Variants in CRIM1 observed in about 807,000 individuals in gnomAD.
CRIM1 encodes cysteine rich transmembrane BMP regulator 1, also known as cysteine-rich motor neuron 1 protein.
A neutral mutation model predicts 116.4 loss-of-function variants in CRIM1; 32 were observed. The ratio of observed to expected loss-of-function variants is 0.27; its 90% confidence interval spans 0.21 to 0.37. CRIM1 has a LOEUF of 0.37. Among genes scored for constraint, CRIM1 ranks in the 10% least tolerant of loss-of-function variants. The pLI is 1.00. For missense variants in CRIM1, 1,331 were observed against 1,354.8 expected, an observed-to-expected ratio of 0.98 and a Z score of 0.28; for synonymous variants, 590 against 509.2, an observed-to-expected ratio of 1.16 and a Z score of -2.13.
At chr2:36,523,496 G>T (rs2125133702) in intron 13 of CRIM1, among the ~76,000 whole-genome samples, 1 of 152,310 alleles carries the variant, frequency 6.6e-6, no homozygotes, top group Non-Finnish European at 1.5e-5. Context: ...GGTCCAAAAG[G>T]TGAGACAGCT....
chr2:36,472,782 C>A (rs1360675708), intron 5 of CRIM1, among the ~76,000 whole-genome samples: 1 of 152,190 alleles, frequency 6.6e-6, no homozygotes, highest in Non-Finnish European at 1.5e-5. Flanking sequence ...CTACAGCCTG[C>A]AAATTTAATG....
In CRIM1 at chr2:36,513,725, C is replaced by T; in HGVS notation, c.1950C>T (p.Asn650=). The T allele has an allele frequency of 1.2e-6, 2 of 1,614,212 alleles. No individual in the cohort carries two copies. Among genetic ancestry groups the T allele is most frequent in the Non-Finnish European group, 1.7e-6 (2 of 1,180,022 alleles). ...LITCPVPACG[N]PTIHPGQCCP... Reference sequence around the variant, plus strand: ...CCTGCCCGGTGCCTGCCTGTGGCAACCCCACCATTCACCCTGGACAGTGCT... The same window carrying T: ...CCTGCCCGGTGCCTGCCTGTGGCAATCCCACCATTCACCCTGGACAGTGCT... The change falls in exon 11 of 17, where the codon AAC becomes AAT. Residue 650 remains asparagine, a synonymous_variant. Coordinates refer to ENST00000280527, the MANE Select transcript of CRIM1 (RefSeq NM_016441.3).
At chr2:36,441,577 C>T in intron 3 of CRIM1, 77 bp downstream of exon 3, 1 of 1,543,760 alleles carries the variant, frequency 6.5e-7, no homozygotes, top group Non-Finnish European at 8.8e-7. Flanking sequence ...CCACCCCTGG[C>T]CTCTCCTTTC....
intron 1 of CRIM1, among the ~76,000 whole-genome samples, chr2:36,363,593 T>A (rs1335303658): frequency 6.6e-6 from 1 of 150,666 alleles, no homozygotes; most frequent in Non-Finnish European, 1.5e-5. Flanking sequence ...GTTTGTATAT[T>A]TTGAGTAATG....
chr2:36,531,892 G>A (rs544460136), intron 13 of CRIM1: 6 of 470,594 alleles, frequency 1.3e-5, no homozygotes, highest in Non-Finnish European at 2.6e-5. Flanking sequence ...GAAGATGTTT[G>A]TCTGAGCATC....
At chr2:36,373,597 A>G (rs1275284381) in intron 1 of CRIM1, among the ~76,000 whole-genome samples, 2 of 152,148 alleles carry the variant, frequency 1.3e-5, no homozygotes, top group African/African-American at 4.8e-5. Context: ...GCATTTTGAG[A>G]GGTAGAAATG....
In CRIM1 at chr2:36,548,508, C is replaced by G; in HGVS notation, c.2935-17C>G. On this transcript the variant is annotated splice_polypyrimidine_tract_variant and intron_variant, in intron 16 of 16. Coordinates refer to ENST00000280527, the MANE Select transcript of CRIM1 (RefSeq NM_016441.3). ...CAACTAATTTTTTGTGGTTTTATTCCTCCTCTCATTAAATAGCCTTCTTCC... is the reference window on the plus strand; with the variant it reads ...CAACTAATTTTTTGTGGTTTTATTCGTCCTCTCATTAAATAGCCTTCTTCC... The G allele has an allele frequency of 2.6e-6, 4 of 1,527,824 alleles. No individual in the cohort carries two copies. Among genetic ancestry groups the G allele is most frequent in the South Asian group, 2.6e-5 (2 of 77,052 alleles). 94.6% of individuals were successfully genotyped at this position (1,527,824 alleles called of 1,614,324 possible).
chr2:36,372,469 A>G (rs1670007315), intron 1 of CRIM1, among the ~76,000 whole-genome samples: 1 of 152,212 alleles, frequency 6.6e-6, no homozygotes, highest in Non-Finnish European at 1.5e-5. Flanking sequence ...GACATTAGAA[A>G]CTTAAGGATA....
chr2:36,534,768 A>G (rs192221873), intron 13 of CRIM1, among the ~76,000 whole-genome samples: 10 of 152,038 alleles, frequency 6.6e-5, no homozygotes, highest in African/African-American at 2.4e-4. Flanking sequence ...AAGAATATAG[A>G]CAGTATAGAC....
chr2:36,511,012 A>G (rs368552204), intron 9 of CRIM1, among the ~76,000 whole-genome samples: 31 of 149,248 alleles, frequency 2.1e-4, no homozygotes, highest in Middle Eastern at 3.5e-3. Context: ...TGCAGCCTCA[A>G]CCTCCCAGGC....
chr2:36,430,551 C>CT (rs1261946958), intron 2 of CRIM1, among the ~76,000 whole-genome samples: 1 of 152,276 alleles, frequency 6.6e-6, no homozygotes, highest in East Asian at 1.9e-4. Flanking sequence ...TGGGTGCCCT[C>CT]TTGGCAGTCG....
chr2:36,467,121 TCTGTC>T lies in CRIM1; in HGVS notation c.991+2470_991+2474del, dbSNP rs376499636. 6.6e-3 allele frequency among the ~76,000 whole-genome samples: 1,004 copies of T among 152,322 alleles called. 21 individuals carry two copies. The highest frequency in any genetic ancestry group is 0.023 in the African/African-American group (961 of 41,562). ...CTGACTTCTGGAATAGGATTTGCCATCTGTCCTGAGAAGATGTTGAGTGGACAAAA... is the reference window on the plus strand; with the variant it reads ...CTGACTTCTGGAATAGGATTTGCCATCTGAGAAGATGTTGAGTGGACAAAA... On this transcript the variant is annotated intron_variant, in intron 5 of 16. Transcript: ENST00000280527.
intron 2 of CRIM1, among the ~76,000 whole-genome samples, chr2:36,433,935 G>A (rs1020064352): frequency 6.6e-6 from 1 of 152,036 alleles, no homozygotes; most frequent in Admixed American, 6.6e-5. Context: ...GATAGTGCTG[G>A]GAAAGTGCAG....
chr2:36,480,061 C>G (rs1372526398), intron 7 of CRIM1, among the ~76,000 whole-genome samples: 1 of 152,186 alleles, frequency 6.6e-6, no homozygotes, highest in Non-Finnish European at 1.5e-5. Context: ...ACTTGTGATG[C>G]TTCCATATGC....
intron 10 of CRIM1, among the ~76,000 whole-genome samples, chr2:36,513,060 T>C (rs1324508865): frequency 3.3e-5 from 5 of 152,198 alleles, no homozygotes; most frequent in Admixed American, 2.6e-4. Context: ...AAACTTTGTT[T>C]TACGATTTTT....
intron 8 of CRIM1, 104 bp downstream of exon 8, chr2:36,499,451 T>A: frequency 8.1e-7 from 1 of 1,233,074 alleles, no homozygotes; most frequent in South Asian, 1.6e-5. Flanking sequence ...AGACATTCCC[T>A]TGACAACCTG....
In CRIM1 at chr2:36,517,379, C is replaced by T; in HGVS notation, c.2043C>T (p.Ala681=). The T allele has an allele frequency of 6.2e-7, 1 of 1,614,158 alleles. No homozygotes were observed. Among genetic ancestry groups the T allele is most frequent in the Non-Finnish European group, 8.5e-7 (1 of 1,180,018 alleles). ...PELSTPSICH[A]PGGEYFVEGE... ...TCAGTACTCCCTCCATTTGCCACGC[C>T]CCTGGAGGAGAATACTTTGTGGAAG... is the stretch of plus-strand genomic sequence containing the variant. Residue 681 remains alanine (A), a synonymous_variant, in exon 12 of 17, where the codon GCC becomes GCT. Transcript: ENST00000280527.
At chr2:36,509,470 T>C (rs975323136) in intron 8 of CRIM1, among the ~76,000 whole-genome samples, 1 of 152,150 alleles carries the variant, frequency 6.6e-6, no homozygotes, top group African/African-American at 2.4e-5. Flanking sequence ...GAAGTTGCAG[T>C]GAGCCGAAAT....
At chr2:36,396,146 G>A (rs1352767877) in intron 1 of CRIM1, among the ~76,000 whole-genome samples, 1 of 152,146 alleles carries the variant, frequency 6.6e-6, no homozygotes, top group Non-Finnish European at 1.5e-5. Flanking sequence ...CTGGGCTCAA[G>A]TAATCCCCGT....
Sources: gnomAD v4.1 joint callset for allele counts (sites outside exome capture counted in the v4.1 genomes callset) on GRCh38, gnomAD v4.1.1 for gene constraint, MANE v1.5 for transcripts, NCBI Gene and HGNC (gene_info 2026-07-23, HGNC 2026-07-21) for gene names.